SNX29: variants seen among roughly 807,000 people sequenced by gnomAD.
SNX29 encodes the protein sorting nexin-29.
SNX29 carries 78 observed loss-of-function variants against 102.1 expected under a neutral mutation model. That is an observed-to-expected ratio of 0.76 (90% CI 0.64 to 0.92). The LOEUF is 0.92. Among genes scored for constraint, SNX29 ranks in the 40% least tolerant of loss-of-function variants. The pLI is 0.00. For missense variants in SNX29, 1,280 were observed against 1,061.7 expected (o/e 1.21, Z -2.86); for synonymous variants, 580 against 414.5 (o/e 1.40, Z -4.85).
intron 11 of SNX29, among the ~76,000 whole-genome samples, chr16:12,122,223 T>C (rs2054001996): frequency 6.6e-6 from 1 of 152,226 alleles, no homozygotes; most frequent in Non-Finnish European, 1.5e-5. Context: ...CTCTTTGCTC[T>C]TGGGCCAGAT....
chr16:12,529,684 C>T (rs896299695), intron 20 of SNX29, among the ~76,000 whole-genome samples: 1 of 152,096 alleles, frequency 6.6e-6, no homozygotes, highest in African/African-American at 2.4e-5. Flanking sequence ...CCGCCGCCCC[C>T]ATTTGCTGCT....
At chr16:12,244,011 C>T (rs2078188680) in intron 14 of SNX29, among the ~76,000 whole-genome samples, 1 of 152,176 alleles carries the variant, frequency 6.6e-6, no homozygotes. Context: ...TAAAACTGTT[C>T]CACCTCAGAT....
intron 20 of SNX29, among the ~76,000 whole-genome samples, chr16:12,550,699 C>A (rs75958537): frequency 1.3e-5 from 2 of 152,082 alleles, no homozygotes; most frequent in Admixed American, 6.5e-5. Context: ...GTATTCACCC[C>A]CCTCATGCTC....
intron 15 of SNX29, among the ~76,000 whole-genome samples, chr16:12,353,462 G>C (rs902908767): frequency 7.1e-6 from 1 of 140,296 alleles, no homozygotes; most frequent in African/African-American, 3.3e-5. Context: ...GGTGAAATGG[G>C]TGTGGTTTTT....
chr16:12,062,328 G>C, intron 9 of SNX29, among the ~76,000 whole-genome samples: 1 of 151,538 alleles, frequency 6.6e-6, no homozygotes, highest in Non-Finnish European at 1.5e-5. Context: ...GCAGTGAGCC[G>C]ATATCGTGGC....
At chr16:12,379,169 A>G (rs149534035) in intron 16 of SNX29, among the ~76,000 whole-genome samples, 1 of 152,286 alleles carries the variant, frequency 6.6e-6, no homozygotes, top group African/African-American at 2.4e-5. Context: ...TTTTGAGACA[A>G]GGTCTTGCTC....
intron 1 of SNX29, among the ~76,000 whole-genome samples, chr16:11,987,121 G>T (rs932772538): frequency 1.3e-5 from 2 of 152,146 alleles, no homozygotes; most frequent in Non-Finnish European, 2.9e-5. Flanking sequence ...CTGGAGTGCA[G>T]TGGTGCAGTC....
chr16:12,096,476 A>G lies in SNX29; in HGVS notation c.1402+17561A>G, dbSNP rs1265928630. Among the ~76,000 whole-genome samples, 1 of 152,252 alleles carries G rather than the reference A, an allele frequency of 6.6e-6. No homozygotes were observed. The highest frequency in any genetic ancestry group is 1.5e-5 in the Non-Finnish European group (1 of 68,040). On this transcript the variant is annotated intron_variant, in intron 11 of 20. Coordinates refer to ENST00000566228, the MANE Select transcript of SNX29 (RefSeq NM_032167.5). This position sits in a 1 kb window ranked among gnomAD's most constrained non-coding sequence, Gnocchi z 4.2. Reference sequence around the variant, plus strand: ...ATGCAGATTTAAGAGTGCCAGCACCATGGGCTGTTGTGAGGACTAAATGAG... The same window carrying G: ...ATGCAGATTTAAGAGTGCCAGCACCGTGGGCTGTTGTGAGGACTAAATGAG...
intron 1 of SNX29, among the ~76,000 whole-genome samples, chr16:11,982,940 TA>T (rs551805088): frequency 1.2e-4 from 18 of 152,114 alleles, no homozygotes; most frequent in Non-Finnish European, 2.2e-4. Context: ...AATTAACGAA[TA>T]TTTTTTTGAG....
chr16:12,045,353 C>T (rs1052755425), intron 5 of SNX29, among the ~76,000 whole-genome samples: 7 of 152,118 alleles, frequency 4.6e-5, no homozygotes, highest in African/African-American at 1.4e-4. Context: ...AATGACCTGG[C>T]GGGGAAGTTA....
intron 20 of SNX29, chr16:12,545,435 G>A (rs868855707): frequency 6.6e-6 from 1 of 152,248 alleles, no homozygotes; most frequent in East Asian, 1.9e-4. Context: ...CCCTAGGATT[G>A]TTCCTTCCAG....
At position 12,340,721 on chromosome 16, in the gene SNX29, C is replaced by G. The variant is rs373410914; in HGVS notation, c.1783-15442C>G. 2.0e-4 allele frequency among the ~76,000 whole-genome samples: 31 copies of G among 152,258 alleles called. No individual in the cohort carries two copies. In the South Asian group the frequency reaches 6.2e-3, roughly 31 times the overall value. On this transcript the variant is annotated intron_variant, in intron 15 of 20. Coordinates refer to ENST00000566228, the MANE Select transcript of SNX29 (RefSeq NM_032167.5). ...ATCTCCCCTGTCTCTCTTTCACAAC[C>G]CCGGCAGCAAACATCTCTAAGAGTC...
At chr16:12,194,709 C>G (rs1301700896) in intron 13 of SNX29, among the ~76,000 whole-genome samples, 1 of 150,132 alleles carries the variant, frequency 6.7e-6, no homozygotes, top group African/African-American at 2.4e-5. Flanking sequence ...TCAGTGCAAC[C>G]TCCGCCTCCC....
chr16:12,128,816 C>T (rs2054332517), intron 12 of SNX29, among the ~76,000 whole-genome samples: 1 of 147,828 alleles, frequency 6.8e-6, no homozygotes, highest in Admixed American at 7.0e-5. Flanking sequence ...GTAGATGTAC[C>T]ATGGTTGGTA....
intron 16 of SNX29, 88 bp downstream of exon 16, chr16:12,356,367 C>A: frequency 1.6e-6 from 2 of 1,246,016 alleles, no homozygotes; most frequent in South Asian, 1.3e-5. Context: ...GAGCAAGCAA[C>A]CATGCATCCA....
At chr16:12,028,270 C>T (rs775062037) in intron 4 of SNX29, among the ~76,000 whole-genome samples, 30 of 152,218 alleles carry the variant, frequency 2.0e-4, no homozygotes, top group Non-Finnish European at 4.1e-4. Context: ...TGTGGAAATT[C>T]TCTGCTAACA....
intron 4 of SNX29, among the ~76,000 whole-genome samples, chr16:12,042,078 C>T (rs368431546): frequency 9.2e-4 from 140 of 152,202 alleles, no homozygotes; most frequent in African/African-American, 3.2e-3. Context: ...GCCACCAGGC[C>T]GGAGTGCAGT....
At chr16:12,498,953 A>G (rs768899312) in intron 19 of SNX29, among the ~76,000 whole-genome samples, 1 of 152,192 alleles carries the variant, frequency 6.6e-6, no homozygotes, top group Non-Finnish European at 1.5e-5. Context: ...GGGGCTTTGT[A>G]TGCTGGGTAA....
At chr16:12,395,252 G>A (rs1321865286) in intron 16 of SNX29, among the ~76,000 whole-genome samples, 2 of 152,164 alleles carry the variant, frequency 1.3e-5, no homozygotes, top group Non-Finnish European at 2.9e-5. Flanking sequence ...AGAGTTCCAC[G>A]CTGGCACTGG....
Sources: allele counts gnomAD v4.1 joint callset (sites outside exome capture counted in the v4.1 genomes callset), GRCh38; gene constraint gnomAD v4.1.1; non-coding constraint Gnocchi (gnomAD v3.1); transcripts MANE v1.5; gene names NCBI Gene and HGNC (gene_info 2026-07-23, HGNC 2026-07-21).